The following ZFHX3 variants were observed in gnomAD, a reference collection of about 807,000 sequenced individuals.
ZFHX3 encodes zinc finger homeobox protein 3.
Under a neutral mutation model 279.1 loss-of-function variants are expected in ZFHX3, and 42 were observed. The observed-to-expected ratio is 0.15, with a 90% CI of 0.12 to 0.19. The LOEUF is 0.19. ZFHX3 is among the 10% of genes least tolerant of loss of function. The pLI, the probability that ZFHX3 is intolerant of heterozygous loss-of-function variation, is 1.00. For missense variants in ZFHX3, 4,981 were observed against 4,754.0 expected (o/e 1.05, Z -1.40); for synonymous variants, 2,293 against 1,957.8 (o/e 1.17, Z -4.52).
intron 1 of ZFHX3, among the ~76,000 whole-genome samples, chr16:73,802,813 T>C (rs1029792895): frequency 1.1e-4 from 16 of 152,310 alleles, no homozygotes; most frequent in African/African-American, 3.8e-4. Flanking sequence ...CAAAGCATTA[T>C]GATTTCTTTT....
chr16:73,856,177 G>T (rs1363605039), intron 1 of ZFHX3, among the ~76,000 whole-genome samples: 2 of 151,344 alleles, frequency 1.3e-5, no homozygotes, highest in South Asian at 4.2e-4. Context: ...GAGAGGGAAG[G>T]TTACATACTC....
chr16:73,822,605 C>T (rs1252233974), intron 1 of ZFHX3, among the ~76,000 whole-genome samples: 1 of 152,170 alleles, frequency 6.6e-6, no homozygotes, highest in East Asian at 1.9e-4. Context: ...GGCATAGATA[C>T]TGAAGGTTCC....
At chr16:73,788,274 C>T (rs532353138) in intron 1 of ZFHX3, among the ~76,000 whole-genome samples, 10 of 152,124 alleles carry the variant, frequency 6.6e-5, no homozygotes, top group Non-Finnish European at 1.5e-4. Context: ...ATTGGACAAA[C>T]CAAAGTAGAA....
At chr16:73,622,062 T>C (rs1363376414) in intron 2 of ZFHX3, among the ~76,000 whole-genome samples, 1 of 152,264 alleles carries the variant, frequency 6.6e-6, no homozygotes. Context: ...CATGTATTTC[T>C]GGCTCACCTG....
chr16:72,836,081 G>C (rs1056328476), intron 4 of ZFHX3, among the ~76,000 whole-genome samples: 1 of 152,146 alleles, frequency 6.6e-6, no homozygotes, highest in Non-Finnish European at 1.5e-5. Context: ...GCTGGTGGAC[G>C]GGCAGTTGTG....
intron 2 of ZFHX3, among the ~76,000 whole-genome samples, chr16:73,470,908 C>T (rs2018654408): frequency 6.6e-6 from 1 of 152,178 alleles, no homozygotes; most frequent in South Asian, 2.1e-4. Flanking sequence ...ATCTACTCTT[C>T]ATTTCTATCC....
At chr16:73,792,991 G>A (rs1959879787) in intron 1 of ZFHX3, among the ~76,000 whole-genome samples, 1 of 152,268 alleles carries the variant, frequency 6.6e-6, no homozygotes, top group Admixed American at 6.5e-5. Context: ...GACACAAGCG[G>A]CATTATCTGA....
intron 1 of ZFHX3, among the ~76,000 whole-genome samples, chr16:73,772,041 T>C (rs1460497038): frequency 6.6e-6 from 1 of 152,178 alleles, no homozygotes; most frequent in Non-Finnish European, 1.5e-5. Context: ...TATTTCCCTC[T>C]TAAACTGTGG....
intron 3 of ZFHX3, among the ~76,000 whole-genome samples, chr16:73,450,373 A>C (rs920040671): frequency 2.0e-5 from 3 of 152,206 alleles, no homozygotes; most frequent in Admixed American, 1.3e-4. Context: ...AGACTTTTTT[A>C]GGTGGTAGAA....
chr16:73,706,803 C>T (rs1567557101), intron 1 of ZFHX3, among the ~76,000 whole-genome samples: 2 of 152,166 alleles, frequency 1.3e-5, no homozygotes, highest in African/African-American at 2.4e-5. Context: ...TTCCCCCACC[C>T]TCCACCCAGA....
At chr16:73,423,339 T>C (rs2017752913) in intron 3 of ZFHX3, among the ~76,000 whole-genome samples, 1 of 151,958 alleles carries the variant, frequency 6.6e-6, no homozygotes, top group Non-Finnish European at 1.5e-5. Flanking sequence ...AGTGTTGGAG[T>C]CTTGGCTGCA....
intron 2 of ZFHX3, among the ~76,000 whole-genome samples, chr16:73,525,146 T>C (rs889838864): frequency 3.3e-5 from 5 of 152,172 alleles, no homozygotes; most frequent in Admixed American, 2.0e-4. Flanking sequence ...AAGCTTCGGT[T>C]TTACGTACAG....
chr16:73,329,329 T>C (rs1047630164), intron 3 of ZFHX3, among the ~76,000 whole-genome samples: 1 of 152,246 alleles, frequency 6.6e-6, no homozygotes, highest in Non-Finnish European at 1.5e-5. Flanking sequence ...TGAGGAAATA[T>C]CTTCCTACCC....
upstream of ZFHX3, among the ~76,000 whole-genome samples, chr16:73,052,088 A>T (rs1965461337): frequency 6.6e-6 from 1 of 152,134 alleles, no homozygotes; most frequent in South Asian, 2.1e-4. Context: ...ATCCCTTTAC[A>T]GTCGGTCTGA....
chr16:73,818,805 C>A (rs1056060550), intron 1 of ZFHX3, among the ~76,000 whole-genome samples: 9 of 152,202 alleles, frequency 5.9e-5, no homozygotes, highest in African/African-American at 2.2e-4. Flanking sequence ...CTTCTCCTAA[C>A]AGGCAACAGA....
chr16:72,956,424 G>A lies in ZFHX3; in HGVS notation c.2719+1003C>T, dbSNP rs563633868. On this transcript the variant is annotated intron_variant, in intron 2 of 9. Coordinates refer to ENST00000268489, the MANE Select transcript of ZFHX3 (RefSeq NM_006885.4). ...TTTGAAGCATACCGGGTGGAGGCAC[G>A]AGTGGCCCAACTATCAGAAGGTTCT... is the stretch of plus-strand genomic sequence containing the variant. 7.9e-5 allele frequency among the ~76,000 whole-genome samples: 12 copies of A among 152,318 alleles called. No homozygotes were observed. The East Asian group carries it at 2.1e-3, about 27-fold the overall frequency.
chr16:72,980,635 G>A (rs1424062282), intron 1 of ZFHX3, among the ~76,000 whole-genome samples: 1 of 151,844 alleles, frequency 6.6e-6, no homozygotes, highest in African/African-American at 2.4e-5. Context: ...GCTGGGTGCA[G>A]TGGTGTGCGC....
At chr16:72,926,023 C>T (rs537922673) in intron 3 of ZFHX3, among the ~76,000 whole-genome samples, 16 of 152,318 alleles carry the variant, frequency 1.1e-4, no homozygotes, top group African/African-American at 2.2e-4. Context: ...CCTATTTTCA[C>T]GTTACAAACA....
At chr16:73,285,980 G>A (rs1037486208) in intron 4 of ZFHX3, among the ~76,000 whole-genome samples, 2 of 152,122 alleles carry the variant, frequency 1.3e-5, no homozygotes, top group African/African-American at 4.8e-5. Flanking sequence ...TTTGTAAAAC[G>A]CGTATTTATT....
Sources: gnomAD v4.1 joint callset for allele counts (sites outside exome capture counted in the v4.1 genomes callset) on GRCh38, gnomAD v4.1.1 for gene constraint, MANE v1.5 for transcripts, NCBI Gene and HGNC (gene_info 2026-07-23, HGNC 2026-07-21) for gene names.